The following SEC14L1 variants were observed in gnomAD, a reference collection of about 807,000 sequenced individuals.
The protein encoded by SEC14L1 is SEC14 like lipid binding 1.
Under a neutral mutation model 85.3 loss-of-function variants are expected in SEC14L1, and 48 were observed. That is an observed-to-expected ratio of 0.56 (90% CI 0.45 to 0.72). The LOEUF is 0.72. Ranked by LOEUF, SEC14L1 falls within the 30% of genes least tolerant of loss-of-function variation. The pLI is 0.00. For synonymous variants in SEC14L1, 391 were observed against 355.5 expected, an observed-to-expected ratio of 1.10 and a Z score of -1.12; for missense variants, 682 against 921.4, an observed-to-expected ratio of 0.74 and a Z score of 3.36.
At chr17:77,142,848 T>G (rs1458616360) in intron 2 of SEC14L1, 98 bp downstream of exon 2, 1 of 152,230 alleles carries the variant, frequency 6.6e-6, no homozygotes, top group Non-Finnish European at 1.5e-5. Flanking sequence ...AGGCTGGCGC[T>G]AGAGAATGAT....
intron 3 of SEC14L1, among the ~76,000 whole-genome samples, chr17:77,113,360 C>T (rs1759458939): frequency 6.6e-6 from 1 of 152,158 alleles, no homozygotes. Flanking sequence ...CAGATTCTCA[C>T]CTCTGCCTTC....
chr17:77,208,357 G>A (rs532267092), intron 13 of SEC14L1, among the ~76,000 whole-genome samples: 63 of 152,300 alleles, frequency 4.1e-4, no homozygotes, highest in African/African-American at 1.3e-3. Flanking sequence ...CATGATATGA[G>A]CTAGCCATCC....
At chr17:77,090,595 T>C (rs1052313983) in intron 2 of SEC14L1, among the ~76,000 whole-genome samples, 2 of 150,498 alleles carry the variant, frequency 1.3e-5, no homozygotes, top group Non-Finnish European at 1.5e-5. Context: ...TGGGTAAAAG[T>C]TTGCTGGGCA....
At chr17:77,177,578 A>T (rs1229214903) in intron 3 of SEC14L1, among the ~76,000 whole-genome samples, 4 of 152,034 alleles carry the variant, frequency 2.6e-5, no homozygotes, top group African/African-American at 9.7e-5. Context: ...AGTTGCATGT[A>T]TGTTAGTTTC....
intron 3 of SEC14L1, among the ~76,000 whole-genome samples, chr17:77,119,250 G>C (rs1972243154): frequency 6.6e-6 from 1 of 150,632 alleles, no homozygotes; most frequent in Non-Finnish European, 1.5e-5. Flanking sequence ...AGAGGTTGCA[G>C]TGAGCCGAGA....
chr17:77,207,717 G>GC (rs1976537994), intron 13 of SEC14L1, among the ~76,000 whole-genome samples: 2 of 152,150 alleles, frequency 1.3e-5, no homozygotes, highest in Non-Finnish European at 2.9e-5. Flanking sequence ...CTTCCAAAGT[G>GC]CCGGGATTAC....
chr17:77,215,507 G>T lies in SEC14L1; in HGVS notation c.*1484G>T. ...TGCGTGACTGGAGAGCTGTGTGGAG[G>T]CCATGTGTGCCCCGTGCAGGGATCA... On this transcript the variant is annotated 3_prime_UTR_variant, in exon 17 of 17. Transcript: ENST00000436233. The T allele has an allele frequency of 1.0e-6, 1 of 986,004 alleles. No homozygotes were observed. Among genetic ancestry groups the T allele is most frequent in the African/African-American group, 1.7e-5 (1 of 57,290 alleles). The allele number at this position is 986,004 out of a possible 1,614,324, so 61.1% of individuals were successfully genotyped here.
In SEC14L1 at chr17:77,196,205, A is replaced by T; in HGVS notation, c.713A>T (p.Lys238Ile). ...ATAAATGTCACTTACATTCCAGACA[A>T]ACTAGATGCCGACTACATCAAGAGA... Reference protein sequence around the residue: ...PEPVVGTPDDKLDADYIKRYL... With the variant: ...PEPVVGTPDDILDADYIKRYL... The change falls in exon 8 of 17, where the codon AAA (lysine) becomes ATA (isoleucine). Residue 238 changes from lysine to isoleucine, a missense_variant. Around this residue, in one of 3 missense-constraint regions of SEC14L1, gnomAD observed 123 missense variants for 100.6 expected, o/e 1.22. Coordinates refer to ENST00000436233, the MANE Select transcript of SEC14L1 (RefSeq NM_001143998.2). 1 of 1,612,556 alleles carries T rather than the reference A, an allele frequency of 6.2e-7. No individual in the cohort carries two copies. Among genetic ancestry groups the T allele is most frequent in the Non-Finnish European group, 8.5e-7 (1 of 1,178,634 alleles).
chr17:77,119,851 C>T (rs1038831438), intron 3 of SEC14L1, among the ~76,000 whole-genome samples: 4 of 152,118 alleles, frequency 2.6e-5, no homozygotes, highest in African/African-American at 7.2e-5. Context: ...TTAGAACCTT[C>T]GCAAATACAT....
At chr17:77,189,880 A>G (rs776552381) in intron 3 of SEC14L1, among the ~76,000 whole-genome samples, 1 of 152,118 alleles carries the variant, frequency 6.6e-6, no homozygotes, top group Non-Finnish European at 1.5e-5. Flanking sequence ...TGCCCACCTC[A>G]GACTCCCAAA....
At chr17:77,192,982 C>T (rs1486664013) in intron 5 of SEC14L1, among the ~76,000 whole-genome samples, 1 of 152,150 alleles carries the variant, frequency 6.6e-6, no homozygotes, top group Non-Finnish European at 1.5e-5. Flanking sequence ...GTTCTTTTAG[C>T]CTGTGCTCCA....
chr17:77,151,241 TCAGTGGGAGACTGTG>T (rs1973541673), intron 3 of SEC14L1, among the ~76,000 whole-genome samples: 1 of 152,192 alleles, frequency 6.6e-6, no homozygotes, highest in South Asian at 2.1e-4. Flanking sequence ...ACCTGGTCAA[TCAGTGGGAGACTGTG>T]CTGCCCTCGT....
chr17:77,196,109 T>TAGGACCAC, intron 7 of SEC14L1, 93 bp from the exon 8 acceptor site: 1 of 955,946 alleles, frequency 1.0e-6, no homozygotes, highest in Non-Finnish European at 1.7e-6. Flanking sequence ...TCTAGGACTC[T>TAGGACCAC]AGGACCACAC....
rs189185175 is a variant in SEC14L1, at chr17:77,214,611, C to A, written c.*588C>A. ...GTCCCAGGGCCAGACACACCCACAC[C>A]ACCCACTGTCCTGCAGTGGGGCCGG... is the stretch of plus-strand genomic sequence containing the variant. On this transcript the variant is annotated 3_prime_UTR_variant, in exon 17 of 17. Coordinates refer to ENST00000436233, the MANE Select transcript of SEC14L1 (RefSeq NM_001143998.2). The A allele has an allele frequency of 1.8e-5, 18 of 986,712 alleles. No homozygotes were observed. In the African/African-American group the frequency reaches 3.0e-4, roughly 16 times the overall value. 61.1% of individuals were successfully genotyped at this position (986,712 alleles called of 1,614,324 possible).
At chr17:77,128,461 T>G (rs1293497843) in intron 3 of SEC14L1, among the ~76,000 whole-genome samples, 10 of 120,344 alleles carry the variant, frequency 8.3e-5, no homozygotes, top group South Asian at 2.6e-4. Flanking sequence ...TTTTATTATG[T>G]TTTTTTTTTT....
At chr17:77,202,531 A>T (rs1277814230) in intron 9 of SEC14L1, among the ~76,000 whole-genome samples, 1 of 152,212 alleles carries the variant, frequency 6.6e-6, no homozygotes, top group Non-Finnish European at 1.5e-5. Context: ...AGGCAGGAGA[A>T]TCGCTTGAAC....
intron 3 of SEC14L1, among the ~76,000 whole-genome samples, chr17:77,151,474 G>A (rs1973551493): frequency 6.6e-6 from 1 of 152,098 alleles, no homozygotes; most frequent in Non-Finnish European, 1.5e-5. Context: ...CTTTTCCTGA[G>A]CTGTATCCAA....
intron 3 of SEC14L1, among the ~76,000 whole-genome samples, chr17:77,173,434 G>T (rs1231167616): frequency 6.6e-6 from 1 of 151,808 alleles, no homozygotes; most frequent in Non-Finnish European, 1.5e-5. Flanking sequence ...GAGGCAGATG[G>T]TCTAAAGGAT....
intron 5 of SEC14L1, 47 bp from the exon 6 acceptor site, chr17:77,193,374 T>C (rs776617050): frequency 3.9e-6 from 6 of 1,540,436 alleles, no homozygotes; most frequent in Admixed American, 1.9e-5. Context: ...GCAGATGATA[T>C]TCTGTTGTCA....
Sources: allele counts gnomAD v4.1 joint callset (sites outside exome capture counted in the v4.1 genomes callset), GRCh38; gene constraint gnomAD v4.1.1; regional missense constraint gnomAD v4.1.1; transcripts MANE v1.5; gene names NCBI Gene and HGNC (gene_info 2026-07-23, HGNC 2026-07-21).